Variants in EHMT1 observed in about 807,000 individuals in gnomAD.
EHMT1 encodes the protein histone-lysine N-methyltransferase EHMT1.
Under a neutral mutation model 147.2 loss-of-function variants are expected in EHMT1, and 15 were observed. The ratio of observed to expected loss-of-function variants is 0.10; its 90% CI spans 0.07 to 0.16. EHMT1 has a LOEUF of 0.16. Ranked by LOEUF, EHMT1 falls within the 10% of genes least tolerant of loss-of-function variation. The probability of loss-of-function intolerance (pLI) is 1.00; values close to 1 mark genes in which losing one functional copy is unlikely to be tolerated. For missense variants in EHMT1, 1,587 were observed against 1,772.4 expected (o/e 0.90, Z 1.88); for synonymous variants, 795 against 709.6 (o/e 1.12, Z -1.91).
chr9:137,700,254 AGCC>A (rs1374671362), intron 1 of EHMT1, among the ~76,000 whole-genome samples: 1 of 152,188 alleles, frequency 6.6e-6, no homozygotes, highest in Non-Finnish European at 1.5e-5. Flanking sequence ...ATGTCATGAC[AGCC>A]TGTAGTGCCC....
intron 1 of EHMT1, among the ~76,000 whole-genome samples, chr9:137,649,558 G>A (rs1391560374): frequency 2.0e-5 from 3 of 152,192 alleles, no homozygotes; most frequent in Admixed American, 6.6e-5. Flanking sequence ...TAGGATCTTT[G>A]CAGATGTAAT....
chr9:137,818,028 C>T, intron 24 of EHMT1, 32 bp from the exon 25 acceptor site: 1 of 1,612,594 alleles, frequency 6.2e-7, no homozygotes, highest in Non-Finnish European at 8.5e-7. Flanking sequence ...TCGCTGCCTT[C>T]CAGGGCCTCA....
intron 6 of EHMT1, chr9:137,745,458 T>TCGAG (rs1948462773): frequency 2.5e-6 from 1 of 398,502 alleles, no homozygotes; most frequent in Admixed American, 4.4e-5. Context: ...TAGTTTTTTC[T>TCGAG]CCTCTTATAT....
chr9:137,754,351 A>G, intron 8 of EHMT1, 60 bp downstream of exon 8: 1 of 1,606,768 alleles, frequency 6.2e-7, no homozygotes, highest in Non-Finnish European at 8.5e-7. Flanking sequence ...TGGTGCCAGG[A>G]GGCCCACCTG....
rs910516754 is a variant in EHMT1, at chr9:137,754,373, C to T, written c.1369+82C>T. Reference sequence around the variant, plus strand: ...AGGAGGCCCACCTGGGGTTGGGGTGCGTAGGATTTCATTAGAAAAGAGGGC... The same window carrying T: ...AGGAGGCCCACCTGGGGTTGGGGTGTGTAGGATTTCATTAGAAAAGAGGGC... On this transcript the variant is annotated intron_variant, in intron 8 of 26. Coordinates refer to ENST00000460843, the MANE Select transcript of EHMT1 (RefSeq NM_024757.5). 3.2e-5 allele frequency: 51 copies of T among 1,571,156 alleles called. No homozygotes were observed. The African/African-American group carries it at 3.6e-4, about 11-fold the overall frequency.
intron 1 of EHMT1, among the ~76,000 whole-genome samples, chr9:137,694,245 C>T (rs1019742771): frequency 2.4e-5 from 3 of 125,512 alleles, no homozygotes; most frequent in Non-Finnish European, 3.3e-5. Flanking sequence ...GGACGCTGGC[C>T]GATACCCCCA....
intron 1 of EHMT1, chr9:137,638,130 A>G (rs1163480056): frequency 6.7e-6 from 1 of 150,158 alleles, no homozygotes; most frequent in East Asian, 1.9e-4. Flanking sequence ...TTTTTTTTTA[A>G]GATGGAGTCT....
chr9:137,680,930 G>C (rs574615775), intron 1 of EHMT1: 1 of 152,352 alleles, frequency 6.6e-6, no homozygotes, highest in Non-Finnish European at 1.5e-5. Context: ...CAGGCAAGTG[G>C]CCAGGGTGGA....
chr9:137,821,038 C>T (rs188307911), intron 25 of EHMT1, among the ~76,000 whole-genome samples: 128 of 152,274 alleles, frequency 8.4e-4, no homozygotes, highest in African/African-American at 2.7e-3. Context: ...GCACCACGCC[C>T]GGCTAACTTT....
At chr9:137,655,072 C>T (rs976426606) in intron 1 of EHMT1, among the ~76,000 whole-genome samples, 2 of 151,912 alleles carry the variant, frequency 1.3e-5, no homozygotes, top group Non-Finnish European at 2.9e-5. Context: ...GATCTCGGCT[C>T]ACTGCAACCT....
At chr9:137,638,802 A>G (rs1233000262) in intron 1 of EHMT1, among the ~76,000 whole-genome samples, 1 of 152,132 alleles carries the variant, frequency 6.6e-6, no homozygotes, top group Non-Finnish European at 1.5e-5. Context: ...GCATGCGGAC[A>G]CACAGGGAGA....
chr9:137,770,194 C>T (rs1320963112), intron 10 of EHMT1, among the ~76,000 whole-genome samples: 1 of 152,138 alleles, frequency 6.6e-6, no homozygotes, highest in Non-Finnish European at 1.5e-5. Context: ...CTTGTACACA[C>T]GTTAGATTGT....
intron 1 of EHMT1, among the ~76,000 whole-genome samples, chr9:137,646,727 G>T (rs533387787): frequency 1.2e-4 from 18 of 152,184 alleles, no homozygotes; most frequent in Admixed American, 1.2e-3. Flanking sequence ...CCTCACTGCC[G>T]CAAATCTTGT....
chr9:137,769,855 G>A (rs576466350), intron 10 of EHMT1, among the ~76,000 whole-genome samples: 1 of 151,468 alleles, frequency 6.6e-6, no homozygotes, highest in African/African-American at 2.4e-5. Context: ...TCCATTTTTT[G>A]AGACAGGGTC....
At position 137,813,317 on chromosome 9, in the gene EHMT1, CTG is replaced by C; in HGVS notation, c.3036-68_3036-67del. 1 of 1,571,412 alleles carries C rather than the reference CTG, an allele frequency of 6.4e-7. No homozygotes were observed. Among genetic ancestry groups the C allele is most frequent in the Non-Finnish European group, 8.6e-7 (1 of 1,163,816 alleles). On this transcript the variant is annotated intron_variant, in intron 20 of 26. Transcript: ENST00000460843. The surrounding 1 kb of genome is among the most constrained non-coding windows in gnomAD (Gnocchi z 4.9). ...GGCCAGGTGTTTGCCAGCCGCCCCA[CTG>C]CACGCTGTGCCACCCCCTGGGCAGA...
chr9:137,675,734 C>T (rs1239070139), intron 1 of EHMT1, among the ~76,000 whole-genome samples: 1 of 149,172 alleles, frequency 6.7e-6, no homozygotes, highest in Non-Finnish European at 1.5e-5. Flanking sequence ...GCCTCAGCCT[C>T]CTAAGTAGCT....
intron 4 of EHMT1, among the ~76,000 whole-genome samples, chr9:137,740,088 C>CCCTCTGGAGCCTGTCGCCTTTCTT (rs1947918562): frequency 6.6e-6 from 1 of 152,222 alleles, no homozygotes; most frequent in Non-Finnish European, 1.5e-5. Flanking sequence ...ACCTTGTCTG[C>CCCTCTGGAGCCTGTCGCCTTTCTT]CCTCTGGAGC....
intron 1 of EHMT1, chr9:137,620,081 C>G (rs1842860292): frequency 6.6e-6 from 1 of 152,108 alleles, no homozygotes. Context: ...AATGTATGGC[C>G]TTTTTGTTTA....
At chr9:137,667,175 C>T (rs993789559) in intron 1 of EHMT1, 4 of 152,158 alleles carry the variant, frequency 2.6e-5, no homozygotes, top group Non-Finnish European at 5.9e-5. Context: ...ATGCTGTGCA[C>T]TGGAAATTGG....
Sources: gnomAD v4.1 joint callset for allele counts (sites outside exome capture counted in the v4.1 genomes callset) on GRCh38, gnomAD v4.1.1 for gene constraint, Gnocchi (gnomAD v3.1) non-coding constraint, MANE v1.5 for transcripts, NCBI Gene and HGNC (gene_info 2026-07-23, HGNC 2026-07-21) for gene names.